WDTC1: variants seen among roughly 807,000 people sequenced by gnomAD.
The protein encoded by WDTC1 is WD and tetratricopeptide repeats protein 1.
A neutral mutation model predicts 76.0 loss-of-function variants in WDTC1; 12 were observed. That is an observed-to-expected ratio of 0.16 (90% CI 0.10 to 0.26). The LOEUF (loss-of-function observed/expected upper bound fraction) is 0.26. Among genes scored for constraint, WDTC1 ranks in the 10% least tolerant of loss-of-function variants. The pLI is 1.00. For missense variants in WDTC1, 511 were observed against 908.8 expected, an observed-to-expected ratio of 0.56 and a Z score of 5.63; for synonymous variants, 326 against 350.8, an observed-to-expected ratio of 0.93 and a Z score of 0.79.
chr1:27,292,483 T>C, intron 7 of WDTC1, 86 bp downstream of exon 7: 3 of 1,294,074 alleles, frequency 2.3e-6, no homozygotes, highest in Non-Finnish European at 3.1e-6. Context: ...TGCCATGCCC[T>C]CTTCTTCTAT....
At position 27,306,156 on chromosome 1, in the gene WDTC1, C is replaced by T. The variant is rs772746363; in HGVS notation, c.1837-30C>T. On this transcript the variant is annotated intron_variant, in intron 15 of 15. Transcript: ENST00000319394. The surrounding 1 kb of genome is among the most constrained non-coding windows in gnomAD (Gnocchi z 5.0). ...CCTGGTGCCTCTCCCTCCCTGAGCC[C>T]CACGTGTGTCACCCCTTTCTCCACC... 52 of 1,613,414 alleles carry T rather than the reference C, an allele frequency of 3.2e-5. No homozygotes were observed. In the Admixed American group the frequency reaches 8.7e-4, roughly 27 times the overall value.
rs1263235702 is a variant in WDTC1 at position 27,287,666 on chromosome 1, C to A, written c.292-8C>A. The A allele has an allele frequency of 1.9e-6, 3 of 1,611,954 alleles. No individual in the cohort carries two copies. In the African/African-American group the frequency reaches 4.0e-5, roughly 22 times the overall value. On this transcript the variant is annotated splice_region_variant and splice_polypyrimidine_tract_variant and intron_variant, in intron 5 of 15. Transcript: ENST00000319394. ...CCACCCACCCCTTCCTCCATTTCTC[C>A]TATATAGTTCCTGCCTCACGCTGGG...
rs780999210 is a variant in WDTC1 at position 27,305,025 on chromosome 1, C to G, written c.1668C>G (p.Gly556=). Reference sequence around the variant, plus strand: ...GCAACGCTCAGTATATCGTCAGTGGCTCTGACGATGGCTCCTTCTTCATCT... The same window carrying G: ...GCAACGCTCAGTATATCGTCAGTGGGTCTGACGATGGCTCCTTCTTCATCT... ...FGSNAQYIVS[G]SDDGSFFIWE... is the part of the protein sequence containing the mutation. The change falls in exon 15 of 16, where the codon GGC becomes GGG. Residue 556 remains glycine, a synonymous_variant. Transcript: ENST00000319394. The surrounding 1 kb of genome is among the most constrained non-coding windows in gnomAD (Gnocchi z 4.6). 1 of 1,613,848 alleles carries G rather than the reference C, an allele frequency of 6.2e-7. No homozygotes were observed. Among genetic ancestry groups the G allele is most frequent in the Admixed American group, 1.7e-5 (1 of 59,996 alleles).
chr1:27,235,026 G>A, intron 1 of WDTC1, 75 bp downstream of exon 1: 1 of 365,186 alleles, frequency 2.7e-6, no homozygotes, highest in Non-Finnish European at 4.9e-6. Context: ...CGGTGAACGG[G>A]CCGCCCGCTC....
intron 1 of WDTC1, among the ~76,000 whole-genome samples, chr1:27,246,412 T>C (rs1024713455): frequency 5.3e-5 from 8 of 152,222 alleles, no homozygotes; most frequent in African/African-American, 1.9e-4. Flanking sequence ...TCATTCCTTT[T>C]TATGGCTGCA....
At position 27,234,867 on chromosome 1, in the gene WDTC1, C is replaced by A. The variant is rs906937147; in HGVS notation, c.-184C>A. ...CCCCCTCCCCGGGATCCGCGCCCCC[C>A]TTCCCGGGAGAGGGGCCGCCCCCCC... On this transcript the variant is annotated 5_prime_UTR_variant, in exon 1 of 16. Transcript: ENST00000319394. 46 of 396,540 alleles carry A rather than the reference C, an allele frequency of 1.2e-4. No homozygotes were observed. The highest frequency in any genetic ancestry group is 1.7e-4 in the Non-Finnish European group (39 of 224,792). 24.6% of individuals were successfully genotyped at this position (396,540 alleles called of 1,614,324 possible).
At chr1:27,259,421 AC>A (rs1317938050) in intron 1 of WDTC1, among the ~76,000 whole-genome samples, 4 of 147,674 alleles carry the variant, frequency 2.7e-5, no homozygotes, top group Middle Eastern at 3.3e-3. Context: ...TCCCACCTCA[AC>A]CTCCCAAAGT....
In WDTC1 at chr1:27,304,993, C is replaced by A. The variant is rs1211249516; in HGVS notation, c.1644-8C>A. The stretch of plus-strand genomic sequence containing the variant: ...ACCTGACCTCCCTGCCCTTTGCCCC[C>A]CCGCCAGCAACGCTCAGTATATCGT... On this transcript the variant is annotated splice_polypyrimidine_tract_variant and splice_region_variant and intron_variant, in intron 14 of 15. Transcript: ENST00000319394. 1.9e-6 allele frequency: 3 copies of A among 1,608,452 alleles called. No homozygotes were observed. The highest frequency in any genetic ancestry group is 2.2e-5 in the East Asian group (1 of 44,766).
intron 3 of WDTC1, among the ~76,000 whole-genome samples, chr1:27,273,820 CGTGT>C (rs138243935): frequency 6.8e-5 from 10 of 148,010 alleles, no homozygotes; most frequent in South Asian, 4.3e-4. Flanking sequence ...GTACTTTACA[CGTGT>C]GTGTGTGTGT....
chr1:27,259,857 CAAAA>C (rs57818136), intron 1 of WDTC1, among the ~76,000 whole-genome samples: 1 of 91,652 alleles, frequency 1.1e-5, no homozygotes. Context: ...TCCATCTCTA[CAAAA>C]AAAAAAAAAA....
intron 3 of WDTC1, among the ~76,000 whole-genome samples, chr1:27,266,601 G>A (rs1042416318): frequency 5.9e-5 from 9 of 152,178 alleles, no homozygotes; most frequent in African/African-American, 1.9e-4. Flanking sequence ...TTTATGGAAA[G>A]CTCTTAAAGT....
At chr1:27,296,961 C>A in intron 10 of WDTC1, 87 bp from the exon 11 acceptor site, 2 of 1,154,360 alleles carry the variant, frequency 1.7e-6, no homozygotes, top group Non-Finnish European at 2.6e-6. Context: ...AACCATCAGA[C>A]CCCGTGATGG....
chr1:27,283,216 T>A (rs1234844720), intron 4 of WDTC1, 122 bp from the exon 5 acceptor site: 2 of 777,254 alleles, frequency 2.6e-6, no homozygotes, highest in African/African-American at 1.7e-5. Flanking sequence ...CAACCTTAAA[T>A]TCTGTGACAT....
chr1:27,260,267 G>T (rs1175999584), intron 1 of WDTC1, among the ~76,000 whole-genome samples: 3 of 152,058 alleles, frequency 2.0e-5, no homozygotes, highest in Admixed American at 6.5e-5. Flanking sequence ...ACCACACCCA[G>T]CTAATTTTTT....
In WDTC1 at chr1:27,308,025, TTTC is replaced by T. The variant is rs1262014072; in HGVS notation, c.*1645_*1647del. 6.6e-6 allele frequency: 1 copy of T among 152,242 alleles called. No homozygotes were observed. The highest frequency in any genetic ancestry group is 1.5e-5 in the Non-Finnish European group (1 of 68,132). 9.4% of individuals were successfully genotyped at this position (152,242 alleles called of 1,614,324 possible). On this transcript the variant is annotated 3_prime_UTR_variant, in exon 16 of 16. Transcript: ENST00000319394. ...CAAGGACCAGCTGGGTCCCCTTTGC[TTTC>T]TTGTGTTCCAGCCACCTGCCATTTC...
In WDTC1 at chr1:27,255,985, C is replaced by CAGAGA. The variant is rs1223155060; in HGVS notation, c.-99-4969_-99-4965dup. Among the ~76,000 whole-genome samples the CAGAGA allele has an allele frequency of 3.9e-5, 6 of 152,252 alleles. No homozygotes were observed. In the South Asian group the frequency reaches 1.0e-3, roughly 26 times the overall value. On this transcript the variant is annotated intron_variant, in intron 1 of 15. Coordinates refer to ENST00000319394, the MANE Select transcript of WDTC1 (RefSeq NM_001276252.2). ...TGTTTCAGCCTAAATGTCATCTTCT[C>CAGAGA]AGAGAACCCCTCTCTATCAGGCAGG...
chr1:27,244,546 C>G (rs2147905038), intron 1 of WDTC1, among the ~76,000 whole-genome samples: 1 of 152,254 alleles, frequency 6.6e-6, no homozygotes, highest in South Asian at 2.1e-4. Flanking sequence ...GGATCTTACT[C>G]TGTTGCCCAG....
At chr1:27,241,511 T>A (rs931813527) in intron 1 of WDTC1, among the ~76,000 whole-genome samples, 1 of 152,150 alleles carries the variant, frequency 6.6e-6, no homozygotes, top group Non-Finnish European at 1.5e-5. Context: ...GAGTTACACA[T>A]CTGGATATAA....
chr1:27,239,245 C>T (rs2011561937), intron 1 of WDTC1, among the ~76,000 whole-genome samples: 3 of 147,540 alleles, frequency 2.0e-5, no homozygotes, highest in Admixed American at 6.8e-5. Flanking sequence ...TGGCTTGGCA[C>T]GGTGGCTCAC....
Sources: allele counts gnomAD v4.1 joint callset (sites outside exome capture counted in the v4.1 genomes callset), GRCh38; gene constraint gnomAD v4.1.1; non-coding constraint Gnocchi (gnomAD v3.1); transcripts MANE v1.5; gene names NCBI Gene and HGNC (gene_info 2026-07-23, HGNC 2026-07-21).